ST8SIA3: variants seen among roughly 807,000 people sequenced by gnomAD.
ST8SIA3 encodes ST8 alpha-N-acetyl-neuraminide alpha-2,8-sialyltransferase 3.
In ST8SIA3, 17 loss-of-function variants were observed where a neutral mutation model predicts 34.5. That is an observed-to-expected ratio of 0.49 (90% confidence interval 0.34 to 0.74). The LOEUF (loss-of-function observed/expected upper bound fraction) is 0.74. Among genes scored for constraint, ST8SIA3 ranks in the 30% least tolerant of loss-of-function variants. ST8SIA3 has a pLI of 0.01. For missense variants in ST8SIA3, 354 were observed against 467.8 expected, an observed-to-expected ratio of 0.76 and a Z score of 2.24; for synonymous variants, 172 against 176.1, an observed-to-expected ratio of 0.98 and a Z score of 0.19.
chr18:57,354,647 C>T (rs754143678), intron 2 of ST8SIA3, 123 bp downstream of exon 2: 13 of 1,139,556 alleles, frequency 1.1e-5, no homozygotes, highest in African/African-American at 3.1e-5. Context: ...CCCACCCTCA[C>T]CATCAGGTGT....
chr18:57,352,802 A>T lies in ST8SIA3; in HGVS notation c.-45A>T. Reference sequence around the variant, plus strand: ...CACGCCAGCGAGCTGCTGGCCGCTCAATGGACCGATTTCCCCGGTTTCCCT... The same window carrying T: ...CACGCCAGCGAGCTGCTGGCCGCTCTATGGACCGATTTCCCCGGTTTCCCT... On this transcript the variant is annotated 5_prime_UTR_variant, in exon 1 of 4. Coordinates refer to ENST00000324000, the MANE Select transcript of ST8SIA3 (RefSeq NM_015879.3). 6.4e-7 allele frequency: 1 copy of T among 1,553,954 alleles called. No homozygotes were observed. The highest frequency in any genetic ancestry group is 8.8e-7 in the Non-Finnish European group (1 of 1,130,714).
rs1385168011 is a variant in ST8SIA3, at chr18:57,357,233, C to A, written c.623C>A (p.Thr208Asn). 4 of 1,614,176 alleles carry A rather than the reference C, an allele frequency of 2.5e-6. No individual in the cohort carries two copies. The highest frequency in any genetic ancestry group is 1.3e-5 in the African/African-American group (1 of 75,052). Residue 208 changes from threonine (T) to asparagine (N), a missense_variant, in exon 3 of 4, where the codon ACC (threonine) becomes AAC (asparagine). This residue lies in a region of ST8SIA3 where 166 missense variants were observed against 245.2 expected (regional missense o/e 0.68). Coordinates refer to ENST00000324000, the MANE Select transcript of ST8SIA3 (RefSeq NM_015879.3). ...GATGTTGGAAGAAAAACCAATCTTA[C>A]CACCTTCAACCCCAGCATCCTGGAA... is the stretch of plus-strand genomic sequence containing the variant. ...QRDVGRKTNL[T>N]TFNPSILEKY...
chr18:57,356,538 T>C (rs916868107), intron 2 of ST8SIA3, among the ~76,000 whole-genome samples: 1 of 152,220 alleles, frequency 6.6e-6, no homozygotes, highest in Non-Finnish European at 1.5e-5. Context: ...TTACTAATGT[T>C]TGTGCATTAA....
intron 3 of ST8SIA3, 51 bp downstream of exon 3, chr18:57,357,521 A>G (rs898656420): frequency 3.7e-5 from 53 of 1,434,460 alleles, no homozygotes; most frequent in Non-Finnish European, 4.8e-5. Context: ...TGGCAAATCA[A>G]TGTTGTAATC....
Position 57,361,420 on chromosome 18 carries a change from A to G in ST8SIA3, c.*1143A>G, listed in dbSNP as rs1153623. The G allele has an allele frequency of 0.21, 31,314 of 152,558 alleles. 4,160 individuals are homozygous for G. The highest frequency in any genetic ancestry group is 0.37 in the African/African-American group (15,461 of 41,470). 9.5% of individuals were successfully genotyped at this position (152,558 alleles called of 1,614,324 possible). A position where few individuals can be genotyped will look rare whatever the true frequency, so the allele number is the denominator to read the frequency against. ...GTGCTGAGGTGCGATCGTTTTCCGT[A>G]TCATTGTGTGCACCACCACCAATCC... On this transcript the variant is annotated 3_prime_UTR_variant, in exon 4 of 4. Transcript: ENST00000324000.
chr18:57,366,627 C>T lies in ST8SIA3; in HGVS notation c.*6350C>T, dbSNP rs2049862296. ...CACCCAGTAAGCTCACTTGGCTCTA[C>T]ATATCTGGAAAGGCACTGAGGTTCC... On this transcript the variant is annotated 3_prime_UTR_variant, in exon 4 of 4. Transcript: ENST00000324000. 1 of 152,230 alleles carries T rather than the reference C, an allele frequency of 6.6e-6. No individual in the cohort carries two copies. Among genetic ancestry groups the T allele is most frequent in the Admixed American group, 6.5e-5 (1 of 15,282 alleles). The allele number at this position is 152,230 out of a possible 1,614,324, so 9.4% of individuals were successfully genotyped here.
intron 2 of ST8SIA3, among the ~76,000 whole-genome samples, chr18:57,356,706 G>A (rs1598902412): frequency 6.6e-6 from 1 of 152,188 alleles, no homozygotes. Flanking sequence ...AAGCCTCAAA[G>A]AATACACCCA....
At chr18:57,357,547 C>A (rs946762784) in intron 3 of ST8SIA3, 77 bp downstream of exon 3, 3 of 1,145,288 alleles carry the variant, frequency 2.6e-6, no homozygotes, top group South Asian at 1.4e-5. Flanking sequence ...GGGGTGGGAG[C>A]CATCCAATTC....
Position 57,360,237 on chromosome 18 carries a change from G to C in ST8SIA3, c.1103G>C (p.Gly368Ala), listed in dbSNP as rs1443471710. 2 of 1,614,090 alleles carry C rather than the reference G, an allele frequency of 1.2e-6. No individual in the cohort carries two copies. The highest frequency in any genetic ancestry group is 1.7e-6 in the Non-Finnish European group (2 of 1,179,988). The change falls in exon 4 of 4, where the codon GGG becomes GCG. Residue 368 changes from glycine to alanine, a missense_variant. Transcript: ENST00000324000. ...TTTCAGCTGCTGTACCGAATGCATG[G>C]GGAAGGGCTCACCAAGCTGACTCTG... The part of the protein sequence containing the change: ...AEFQLLYRMH[G>A]EGLTKLTLSH...
chr18:57,358,220 A>G (rs1211453507), intron 3 of ST8SIA3, among the ~76,000 whole-genome samples: 3 of 152,254 alleles, frequency 2.0e-5, no homozygotes, highest in African/African-American at 7.2e-5. Context: ...TGATTCCAAT[A>G]TGCAGTCAGA....
In ST8SIA3 at chr18:57,352,730, G is replaced by GCGCA. The variant is rs745314937; in HGVS notation, c.-116_-115insGCAC. On this transcript the variant is annotated 5_prime_UTR_variant, in exon 1 of 4. Transcript: ENST00000324000. ...CCCCTCCTCCGCCACACGCGCGCGCGCTCACACACACACACACACACACAC... is the reference window on the plus strand; with the variant it reads ...CCCCTCCTCCGCCACACGCGCGCGCGCGCACTCACACACACACACACACACACAC... 7.4e-4 allele frequency: 133 copies of GCGCA among 179,756 alleles called. No individual in the cohort carries two copies. The highest frequency in any genetic ancestry group is 1.8e-3 in the Admixed American group (22 of 12,380). 11.1% of individuals were successfully genotyped at this position (179,756 alleles called of 1,614,324 possible). A position where few individuals can be genotyped will look rare whatever the true frequency, so the allele number is the denominator to read the frequency against.
At chr18:57,357,675 G>A (rs1216138123) in intron 3 of ST8SIA3, among the ~76,000 whole-genome samples, 4 of 152,178 alleles carry the variant, frequency 2.6e-5, no homozygotes, top group Non-Finnish European at 5.9e-5. Flanking sequence ...GTAACCAAGT[G>A]TCAGATGGAA....
Position 57,352,702 on chromosome 18 carries a change from G to A in ST8SIA3, c.-145G>A, listed in dbSNP as rs1486777551. The A allele has an allele frequency of 2.5e-5, 5 of 200,990 alleles. No individual in the cohort carries two copies. The highest frequency in any genetic ancestry group is 4.2e-5 in the South Asian group (1 of 24,078). The allele number at this position is 200,990 out of a possible 1,614,324, so 12.5% of individuals were successfully genotyped here. On this transcript the variant is annotated 5_prime_UTR_variant, in exon 1 of 4. Coordinates refer to ENST00000324000, the MANE Select transcript of ST8SIA3 (RefSeq NM_015879.3). The stretch of plus-strand genomic sequence containing the variant: ...GTGGCCTCCCCCCACCCCCGCCCGG[G>A]TCCCCCTCCTCCGCCACACGCGCGC...
Position 57,366,457 on chromosome 18 carries a change from T to A in ST8SIA3, c.*6180T>A, listed in dbSNP as rs1015656911. On this transcript the variant is annotated 3_prime_UTR_variant, in exon 4 of 4. Transcript: ENST00000324000. Reference sequence around the variant, plus strand: ...AAAACCATGTTTGGCTGATCTTTTTTAAAAAATCTATACCTATAGTTCATC... The same window carrying A: ...AAAACCATGTTTGGCTGATCTTTTTAAAAAAATCTATACCTATAGTTCATC... The A allele has an allele frequency of 3.3e-5, 5 of 152,434 alleles. No individual in the cohort carries two copies. The highest frequency in any genetic ancestry group is 4.4e-5 in the Non-Finnish European group (3 of 68,020). 9.4% of individuals were successfully genotyped at this position (152,434 alleles called of 1,614,324 possible).
rs2049847623 is a variant in ST8SIA3 at position 57,364,149 on chromosome 18, T to C, written c.*3872T>C. The C allele has an allele frequency of 6.6e-6, 1 of 152,206 alleles. No homozygotes were observed. Among genetic ancestry groups the C allele is most frequent in the African/African-American group, 2.4e-5 (1 of 41,452 alleles). 9.4% of individuals were successfully genotyped at this position (152,206 alleles called of 1,614,324 possible). Reference sequence around the variant, plus strand: ...CTCCCTGAGATGAAACAAAACACGCTTGGTAAATCATGATTTGATAAATAA... The same window carrying C: ...CTCCCTGAGATGAAACAAAACACGCCTGGTAAATCATGATTTGATAAATAA... On this transcript the variant is annotated 3_prime_UTR_variant, in exon 4 of 4. Transcript: ENST00000324000.
rs776517890 is a variant in ST8SIA3, at chr18:57,357,090, T to A, written c.480T>A (p.Asn160Lys). Residue 160 changes from asparagine (N) to lysine (K), a missense_variant, in exon 3 of 4, where the codon AAT becomes AAA. Around this residue, in one of 3 missense-constraint regions of ST8SIA3, gnomAD observed 184 missense variants for 205.4 expected, o/e 0.90. Transcript: ENST00000324000. ...DVSPIMNKHY[N>K]ICAVVGNSGI... ...CACCCATTATGAACAAGCATTATAATATTTGTGCTGTGGTTGGAAATAGTG... is the reference window on the plus strand; with the variant it reads ...CACCCATTATGAACAAGCATTATAAAATTTGTGCTGTGGTTGGAAATAGTG... 55 of 1,614,008 alleles carry A rather than the reference T, an allele frequency of 3.4e-5. No homozygotes were observed. The Admixed American group carries it at 5.5e-4, about 16-fold the overall frequency.
intron 1 of ST8SIA3, 108 bp downstream of exon 1, chr18:57,353,133 G>A: frequency 9.1e-7 from 1 of 1,097,082 alleles, no homozygotes; most frequent in South Asian, 1.5e-5. Flanking sequence ...GACTCTTTGG[G>A]CCAGATAACT....
At chr18:57,354,824 C>T (rs957245429) in intron 2 of ST8SIA3, among the ~76,000 whole-genome samples, 3 of 146,912 alleles carry the variant, frequency 2.0e-5, no homozygotes, top group Admixed American at 6.8e-5. Context: ...TTACAGCTAA[C>T]AAGTCTGGCA....
chr18:57,355,440 A>G (rs186644559), intron 2 of ST8SIA3, among the ~76,000 whole-genome samples: 89 of 152,310 alleles, frequency 5.8e-4, no homozygotes, highest in Non-Finnish European at 1.0e-3. Context: ...AGTTTAATCT[A>G]TGGGCAGAAT....
Sources: gnomAD v4.1 joint callset for allele counts (sites outside exome capture counted in the v4.1 genomes callset) on GRCh38, gnomAD v4.1.1 for gene constraint, gnomAD v4.1.1 regional missense constraint, MANE v1.5 for transcripts, NCBI Gene and HGNC (gene_info 2026-07-23, HGNC 2026-07-21) for gene names.